Variants in JMJD1C observed in about 807,000 individuals in gnomAD.
JMJD1C encodes jumonji domain containing 1C, also known as jumonji domain-containing protein 1C.
JMJD1C carries 31 observed loss-of-function variants against 245.3 expected under a neutral mutation model. That is an observed-to-expected ratio of 0.13 (90% confidence interval 0.09 to 0.17). The LOEUF (loss-of-function observed/expected upper bound fraction) is 0.17, where lower values mean the gene tolerates loss of function less well. JMJD1C is among the 10% of genes least tolerant of loss of function. The pLI, the probability that JMJD1C is intolerant of heterozygous loss-of-function variation, is 1.00. For synonymous variants in JMJD1C, 1,057 were observed against 1,017.4 expected (o/e 1.04, Z -0.74); for missense variants, 2,691 against 3,000.2 (o/e 0.90, Z 2.41).
intron 3 of JMJD1C, among the ~76,000 whole-genome samples, chr10:63,231,863 G>A (rs1284756905): frequency 6.6e-6 from 1 of 152,130 alleles, no homozygotes; most frequent in East Asian, 1.9e-4. Flanking sequence ...TCTAGACAGA[G>A]TCTCGCTCTT....
intron 2 of JMJD1C, among the ~76,000 whole-genome samples, chr10:63,288,199 C>T (rs1298116567): frequency 6.6e-6 from 1 of 152,164 alleles, no homozygotes; most frequent in African/African-American, 2.4e-5. Context: ...TAGATCTATG[C>T]AGTTCAAACC....
At chr10:63,307,106 G>A (rs138676665) in intron 2 of JMJD1C, among the ~76,000 whole-genome samples, 2 of 151,776 alleles carry the variant, frequency 1.3e-5, no homozygotes, top group African/African-American at 4.8e-5. Context: ...TTTCATTTAG[G>A]TATTTTTACA....
chr10:63,456,591 G>C (rs1455553884), intron 1 of JMJD1C, among the ~76,000 whole-genome samples: 1 of 152,016 alleles, frequency 6.6e-6, no homozygotes, highest in Non-Finnish European at 1.5e-5. Flanking sequence ...CAGCTCCTAA[G>C]TGTCAGTCTT....
intron 2 of JMJD1C, among the ~76,000 whole-genome samples, chr10:63,380,004 G>A (rs1427510789): frequency 1.3e-5 from 2 of 151,274 alleles, no homozygotes; most frequent in Non-Finnish European, 2.9e-5. Flanking sequence ...GCAGCAGTGT[G>A]ACAGTAACTC....
At chr10:63,368,668 T>A (rs1170103476) in intron 2 of JMJD1C, among the ~76,000 whole-genome samples, 1 of 152,184 alleles carries the variant, frequency 6.6e-6, no homozygotes, top group Non-Finnish European at 1.5e-5. Flanking sequence ...TAAGATTCAT[T>A]TACCTTATGT....
chr10:63,271,432 C>A (rs1856284545), intron 2 of JMJD1C, among the ~76,000 whole-genome samples: 1 of 152,016 alleles, frequency 6.6e-6, no homozygotes, highest in Non-Finnish European at 1.5e-5. Context: ...CCGATCTCAG[C>A]CTCTCAAAGT....
chr10:63,490,177 A>G (rs1448929458), intron 1 of JMJD1C, among the ~76,000 whole-genome samples: 1 of 152,094 alleles, frequency 6.6e-6, no homozygotes, highest in Non-Finnish European at 1.5e-5. Context: ...TACACCTCAG[A>G]TGTACAAGCT....
rs758192946 is a variant in JMJD1C, at chr10:63,207,784, G to A, written c.3885C>T (p.Ser1295=). Reference sequence around the variant, plus strand: ...ATGCCATAGCAGCCTGTAACTTTCCGCTGCTTTTCTCCACATGCCATTCAG... The same window carrying A: ...ATGCCATAGCAGCCTGTAACTTTCCACTGCTTTTCTCCACATGCCATTCAG... ...EKTEWHVEKS[S]GKLQAAMASV... Residue 1295 remains serine (S), a synonymous_variant, in exon 10 of 26, where the codon AGC becomes AGT. Transcript: ENST00000399262. 14 of 1,613,980 alleles carry A rather than the reference G, an allele frequency of 8.7e-6. No homozygotes were observed. Among genetic ancestry groups the A allele is most frequent in the South Asian group, 5.5e-5 (5 of 91,078 alleles).
intron 18 of JMJD1C, 62 bp from the exon 19 acceptor site, chr10:63,186,445 G>A: frequency 7.5e-7 from 1 of 1,341,720 alleles, no homozygotes; most frequent in Non-Finnish European, 1.0e-6. Context: ...TTGTTTGTTT[G>A]TTTGTTTGTT....
chr10:63,194,159 T>G, intron 14 of JMJD1C, 127 bp downstream of exon 14: 2 of 655,272 alleles, frequency 3.1e-6, no homozygotes, highest in Non-Finnish European at 5.5e-6. Flanking sequence ...TTCCAATAAC[T>G]GAGCAAGACA....
intron 10 of JMJD1C, chr10:63,204,626 G>C (rs776656451): frequency 7.1e-6 from 7 of 985,292 alleles, no homozygotes; most frequent in African/African-American, 5.2e-5. Context: ...GTGAGGGAGA[G>C]TAAGGGGAAC....
chr10:63,207,937 A>G lies in JMJD1C; in HGVS notation c.3732T>C (p.Val1244=). 1 of 1,614,122 alleles carries G rather than the reference A, an allele frequency of 6.2e-7. No homozygotes were observed. Among genetic ancestry groups the G allele is most frequent in the Non-Finnish European group, 8.5e-7 (1 of 1,180,002 alleles). ...PVMPVNAGGK[V]QESQKPPTLI... ...GAGTTGGAGGCTTCTGTGATTCTTG[A>G]ACTTTACCACCAGCATTTACTGGCA... Residue 1244 remains valine, a synonymous_variant, in exon 10 of 26, where the codon GTT becomes GTC. Transcript: ENST00000399262.
At chr10:63,204,542 A>G in intron 10 of JMJD1C, 1 of 985,444 alleles carries the variant, frequency 1.0e-6, no homozygotes, top group Non-Finnish European at 1.2e-6. Context: ...CCAACACCAA[A>G]GGAAATGTCA....
At chr10:63,322,258 T>G (rs1940961465) in intron 2 of JMJD1C, among the ~76,000 whole-genome samples, 1 of 152,220 alleles carries the variant, frequency 6.6e-6, no homozygotes, top group Admixed American at 6.5e-5. Flanking sequence ...GTCAGTTTAC[T>G]GAGGATCTCA....
intron 2 of JMJD1C, among the ~76,000 whole-genome samples, chr10:63,317,520 A>G (rs1440266771): frequency 6.6e-6 from 1 of 151,878 alleles, no homozygotes; most frequent in Non-Finnish European, 1.5e-5. Context: ...AACTTCTCTC[A>G]TCCTCCTAAG....
rs544168847 is a variant in JMJD1C at position 63,194,151 on chromosome 10, C to T, written c.5734+135G>A. On this transcript the variant is annotated intron_variant, in intron 14 of 25. Coordinates refer to ENST00000399262, the MANE Select transcript of JMJD1C (RefSeq NM_032776.3). ...CTGAGCTTTATTACATAGAGGATTT[C>T]CAATAACTGAGCAAGACAATTCAAA... The T allele has an allele frequency of 3.0e-5, 19 of 638,582 alleles. No individual in the cohort carries two copies. In the African/African-American group the frequency reaches 3.3e-4, roughly 11 times the overall value. 39.6% of individuals were successfully genotyped at this position (638,582 alleles called of 1,614,324 possible). A position where few individuals can be genotyped will look rare whatever the true frequency, so the allele number is the denominator to read the frequency against.
At chr10:63,225,986 C>A (rs1397093382) in intron 3 of JMJD1C, among the ~76,000 whole-genome samples, 2 of 9,668 alleles carry the variant, frequency 2.1e-4, no homozygotes, top group Non-Finnish European at 8.8e-4. Context: ...TTCTCCCCCA[C>A]CCCCCCCTTC....
intron 1 of JMJD1C, among the ~76,000 whole-genome samples, chr10:63,500,779 G>GGAT (rs1954529673): frequency 6.6e-6 from 1 of 151,804 alleles, no homozygotes. Flanking sequence ...ATGGATGGAT[G>GGAT]GATGGATGGA....
chr10:63,236,788 A>G (rs1180474237), intron 3 of JMJD1C, among the ~76,000 whole-genome samples: 2 of 152,186 alleles, frequency 1.3e-5, no homozygotes, highest in African/African-American at 4.8e-5. Context: ...ATATACTTGT[A>G]TAAAGTATTC....
Sources: gnomAD v4.1 joint callset for allele counts (sites outside exome capture counted in the v4.1 genomes callset) on GRCh38, gnomAD v4.1.1 for gene constraint, MANE v1.5 for transcripts, NCBI Gene and HGNC (gene_info 2026-07-23, HGNC 2026-07-21) for gene names.